Variants in PRIMA1 observed in about 807,000 individuals in gnomAD.
PRIMA1 encodes the protein proline-rich membrane anchor 1.
Under a neutral mutation model 17.5 loss-of-function variants are expected in PRIMA1, and 7 were observed. The ratio of observed to expected loss-of-function variants is 0.40; its 90% confidence interval spans 0.23 to 0.75. The LOEUF (loss-of-function observed/expected upper bound fraction) is 0.75, where lower values mean the gene tolerates loss of function less well. PRIMA1 is among the 30% of genes least tolerant of loss of function. The pLI is 0.37. For synonymous variants in PRIMA1, 97 were observed against 77.9 expected (o/e 1.25, Z -1.29); for missense variants, 200 against 201.8 (o/e 0.99, Z 0.05).
chr14:93,768,809 C>CTTTT (rs34349782), intron 3 of PRIMA1, among the ~76,000 whole-genome samples: 19 of 138,846 alleles, frequency 1.4e-4, no homozygotes, highest in African/African-American at 3.5e-4. Context: ...CACTTTTTTT[C>CTTTT]TTTTTTTTTT....
chr14:93,751,430 TA>T (rs1231214513), intron 3 of PRIMA1, among the ~76,000 whole-genome samples: 2 of 152,310 alleles, frequency 1.3e-5, no homozygotes, highest in Admixed American at 1.3e-4. Context: ...GCACTTCATT[TA>T]AAAATTCTTG....
At chr14:93,733,907 G>T (rs1025997831) in intron 4 of PRIMA1, among the ~76,000 whole-genome samples, 5 of 152,320 alleles carry the variant, frequency 3.3e-5, no homozygotes, top group African/African-American at 9.6e-5. Flanking sequence ...TGGGGGGGCA[G>T]TGGGGAGCAC....
intron 3 of PRIMA1, among the ~76,000 whole-genome samples, chr14:93,757,913 T>C (rs1327862972): frequency 3.3e-5 from 5 of 152,206 alleles, no homozygotes; most frequent in Non-Finnish European, 5.9e-5. Context: ...TGACGGACAC[T>C]GTTGGTGTCC....
intron 4 of PRIMA1, among the ~76,000 whole-genome samples, chr14:93,732,984 A>G (rs1359035449): frequency 2.0e-5 from 3 of 152,126 alleles, no homozygotes; most frequent in Non-Finnish European, 4.4e-5. Flanking sequence ...CCCAGCACCC[A>G]AGGGCTCTGG....
chr14:93,718,681 A>T lies in PRIMA1; in HGVS notation c.*2763T>A, dbSNP rs2076018821. 1 of 151,358 alleles carries T rather than the reference A, an allele frequency of 6.6e-6. No homozygotes were observed. The highest frequency in any genetic ancestry group is 6.6e-5 in the Admixed American group (1 of 15,204). 9.4% of individuals were successfully genotyped at this position (151,358 alleles called of 1,614,324 possible). On this transcript the variant is annotated 3_prime_UTR_variant, in exon 5 of 5. Coordinates refer to ENST00000393140, the MANE Select transcript of PRIMA1 (RefSeq NM_178013.4). ...GATCTCTTTAAATATATATAGCTAT[A>T]TATAATATATATGTTTATATGTTTA...
intron 3 of PRIMA1, among the ~76,000 whole-genome samples, chr14:93,745,852 AT>A (rs902873150): frequency 5.3e-5 from 8 of 152,350 alleles, no homozygotes; most frequent in African/African-American, 1.9e-4. Flanking sequence ...TGGGCAAGTC[AT>A]TGACTCTGTT....
chr14:93,748,123 T>C (rs1460994169), intron 3 of PRIMA1, among the ~76,000 whole-genome samples: 8 of 151,702 alleles, frequency 5.3e-5, no homozygotes, highest in Non-Finnish European at 1.2e-4. Flanking sequence ...TGTGAATGAG[T>C]GTGCATGAGT....
chr14:93,781,147 C>T (rs1319124345), intron 2 of PRIMA1, among the ~76,000 whole-genome samples: 2 of 152,248 alleles, frequency 1.3e-5, no homozygotes, highest in African/African-American at 2.4e-5. Context: ...TGCTCATCAC[C>T]TTTTAATGTT....
intron 3 of PRIMA1, among the ~76,000 whole-genome samples, chr14:93,755,585 C>G (rs116587720): frequency 1.3e-5 from 2 of 152,140 alleles, no homozygotes; most frequent in Admixed American, 1.3e-4. Context: ...AGAGAAATAT[C>G]GTTGGGCACT....
At position 93,719,234 on chromosome 14, in the gene PRIMA1, T is replaced by A. The variant is rs1050647925; in HGVS notation, c.*2210A>T. The A allele has an allele frequency of 4.6e-5, 7 of 152,142 alleles. No individual in the cohort carries two copies. The highest frequency in any genetic ancestry group is 1.7e-4 in the African/African-American group (7 of 41,400). The allele number at this position is 152,142 out of a possible 1,614,324, so 9.4% of individuals were successfully genotyped here. A position where few individuals can be genotyped will look rare whatever the true frequency, so the allele number is the denominator to read the frequency against. On this transcript the variant is annotated 3_prime_UTR_variant, in exon 5 of 5. Transcript: ENST00000393140. ...GGAAGAGGATACAGGCCCCAAAACG[T>A]GGTGATGGCTCAGCTGATTCCTCAC...
chr14:93,756,536 C>T (rs1268011752), intron 3 of PRIMA1, among the ~76,000 whole-genome samples: 1 of 152,118 alleles, frequency 6.6e-6, no homozygotes, highest in Non-Finnish European at 1.5e-5. Flanking sequence ...GGCCCCGGAC[C>T]CCGACCCCGC....
chr14:93,775,753 C>T (rs1446891816), intron 3 of PRIMA1, among the ~76,000 whole-genome samples: 1 of 152,256 alleles, frequency 6.6e-6, no homozygotes, highest in East Asian at 1.9e-4. Context: ...CGGAGGCACT[C>T]CATGGCTATG....
chr14:93,780,238 A>G (rs979814021), intron 2 of PRIMA1, among the ~76,000 whole-genome samples: 1 of 152,132 alleles, frequency 6.6e-6, no homozygotes, highest in Non-Finnish European at 1.5e-5. Context: ...ATCCAGCCAG[A>G]TCCTTTTGTA....
intron 4 of PRIMA1, among the ~76,000 whole-genome samples, chr14:93,723,048 G>C (rs1331984257): frequency 6.6e-6 from 1 of 152,014 alleles, no homozygotes; most frequent in Non-Finnish European, 1.5e-5. Flanking sequence ...TGTACTTTTG[G>C]GCCTGGCTCA....
intron 3 of PRIMA1, among the ~76,000 whole-genome samples, chr14:93,751,938 G>A (rs1484952183): frequency 6.6e-6 from 1 of 152,108 alleles, no homozygotes; most frequent in Non-Finnish European, 1.5e-5. Context: ...TTCCTCTGTT[G>A]CACTGGCCAT....
At chr14:93,779,128 T>C (rs1329824765) in intron 3 of PRIMA1, 48 bp downstream of exon 3, 83 of 1,373,722 alleles carry the variant, frequency 6.0e-5, no homozygotes, top group Non-Finnish European at 7.7e-5. Flanking sequence ...TTCGTGGGCC[T>C]AGGAAAACAC....
At chr14:93,772,735 GA>G (rs1461154138) in intron 3 of PRIMA1, among the ~76,000 whole-genome samples, 1 of 152,216 alleles carries the variant, frequency 6.6e-6, no homozygotes, top group African/African-American at 2.4e-5. Context: ...GGGACTCTCT[GA>G]AAACCTTTTC....
intron 3 of PRIMA1, among the ~76,000 whole-genome samples, 190 bp downstream of exon 3, chr14:93,778,986 T>C (rs1361166429): frequency 6.6e-6 from 1 of 152,000 alleles, no homozygotes; most frequent in African/African-American, 2.4e-5. Flanking sequence ...TCCTTCTCCA[T>C]CTTGCAGGAG....
intron 4 of PRIMA1, among the ~76,000 whole-genome samples, chr14:93,725,033 CG>C (rs543524364): frequency 5.8e-4 from 88 of 152,252 alleles, no homozygotes; most frequent in African/African-American, 2.0e-3. Flanking sequence ...CCTTCGTACT[CG>C]CGGGCCCTGG....
Sources: gnomAD v4.1 joint callset for allele counts (sites outside exome capture counted in the v4.1 genomes callset) on GRCh38, gnomAD v4.1.1 for gene constraint, MANE v1.5 for transcripts, NCBI Gene and HGNC (gene_info 2026-07-23, HGNC 2026-07-21) for gene names.